Variants in MLXIP observed in about 807,000 individuals in gnomAD.
MLXIP encodes the protein MLX-interacting protein.
Under a neutral mutation model 87.2 loss-of-function variants are expected in MLXIP, and 30 were observed. The ratio of observed to expected loss-of-function variants is 0.34; its 90% CI spans 0.26 to 0.47. The LOEUF (loss-of-function observed/expected upper bound fraction) is 0.47, where lower values mean the gene tolerates loss of function less well. MLXIP is among the 20% of genes least tolerant of loss of function. MLXIP has a pLI of 1.00. For synonymous variants in MLXIP, 530 were observed against 514.0 expected (o/e 1.03, Z -0.42); for missense variants, 1,002 against 1,240.1 (o/e 0.81, Z 2.88).
chr12:122,110,584 G>T (rs895673419), intron 1 of MLXIP, among the ~76,000 whole-genome samples: 7 of 151,890 alleles, frequency 4.6e-5, no homozygotes, highest in Non-Finnish European at 8.8e-5. Flanking sequence ...ACTGCACCTG[G>T]CCTGGGAGAC....
intron 16 of MLXIP, 53 bp from the exon 17 acceptor site, chr12:122,141,638 G>A (rs530097205): frequency 1.5e-5 from 24 of 1,598,608 alleles, no homozygotes; most frequent in South Asian, 3.4e-5. Context: ...CCGAGTGTGC[G>A]GTGTGTGGTG....
chr12:122,123,636 C>T (rs748680723), intron 1 of MLXIP, among the ~76,000 whole-genome samples: 3 of 152,212 alleles, frequency 2.0e-5, no homozygotes, highest in Admixed American at 6.5e-5. Flanking sequence ...TGGTATGACA[C>T]CCTCTGCCCT....
At chr12:122,099,651 C>T (rs539275403) in intron 1 of MLXIP, among the ~76,000 whole-genome samples, 3 of 152,396 alleles carry the variant, frequency 2.0e-5, no homozygotes, top group Admixed American at 2.0e-4. Context: ...CTCTGCTGAA[C>T]TCCCTCAGGG....
chr12:122,084,627 A>C (rs980382766), intron 1 of MLXIP, among the ~76,000 whole-genome samples: 2 of 151,856 alleles, frequency 1.3e-5, no homozygotes, highest in African/African-American at 2.4e-5. Context: ...GCTCACTGCA[A>C]CCTCTGCCTC....
At chr12:122,107,489 A>C (rs1952539324) in intron 1 of MLXIP, among the ~76,000 whole-genome samples, 1 of 152,150 alleles carries the variant, frequency 6.6e-6, no homozygotes, top group South Asian at 2.1e-4. Context: ...CAGCACAGTG[A>C]GTCAGACAGC....
rs1953118233 is a variant in MLXIP at position 122,137,655 on chromosome 12, T to C, written c.2154+65T>C. 6.4e-7 allele frequency: 1 copy of C among 1,553,124 alleles called. No individual in the cohort carries two copies. The highest frequency in any genetic ancestry group is 8.7e-7 in the Non-Finnish European group (1 of 1,149,966). On this transcript the variant is annotated intron_variant, in intron 12 of 16. Coordinates refer to ENST00000319080, the MANE Select transcript of MLXIP (RefSeq NM_014938.6). The surrounding 1 kb of genome is among the most constrained non-coding windows in gnomAD (Gnocchi z 4.1). ...AGAGGAGTGCAGGACATCAAGGATC[T>C]GTGTCTTGTCTGGAACGGAGACCTC...
intron 1 of MLXIP, among the ~76,000 whole-genome samples, chr12:122,102,447 C>T (rs1952451906): frequency 6.6e-6 from 1 of 152,208 alleles, no homozygotes; most frequent in African/African-American, 2.4e-5. Context: ...TCCATTCCCT[C>T]TGTGTGCTGG....
At chr12:122,134,131 A>C in intron 9 of MLXIP, 144 bp downstream of exon 9, 1 of 987,578 alleles carries the variant, frequency 1.0e-6, no homozygotes, top group Non-Finnish European at 1.4e-6. Flanking sequence ...AAATGAAACA[A>C]AAGTGTCATG....
At chr12:122,123,638 C>T (rs944407904) in intron 1 of MLXIP, among the ~76,000 whole-genome samples, 2 of 152,244 alleles carry the variant, frequency 1.3e-5, no homozygotes, top group African/African-American at 2.4e-5. Flanking sequence ...GTATGACACC[C>T]TCTGCCCTCC....
At chr12:122,121,522 G>A (rs1172365115) in intron 1 of MLXIP, among the ~76,000 whole-genome samples, 2 of 151,844 alleles carry the variant, frequency 1.3e-5, no homozygotes, top group Admixed American at 6.6e-5. Context: ...TGCCCACCTC[G>A]GCCTCCCAAA....
chr12:122,110,022 C>T (rs192258184), intron 1 of MLXIP, among the ~76,000 whole-genome samples: 2 of 152,254 alleles, frequency 1.3e-5, no homozygotes. Flanking sequence ...GGGTGCCTCT[C>T]ATTTTTATTC....
At chr12:122,104,681 G>A (rs141713720) in intron 1 of MLXIP, among the ~76,000 whole-genome samples, 1,816 of 148,606 alleles carry the variant, frequency 0.012, 40 homozygotes, top group African/African-American at 0.043. Flanking sequence ...CCGGGTTCAA[G>A]CAATTCTCCT....
intron 8 of MLXIP, 121 bp downstream of exon 8, chr12:122,132,504 C>A: frequency 2.6e-6 from 2 of 761,458 alleles, no homozygotes; most frequent in South Asian, 1.6e-5. Context: ...AAGCGCCAAG[C>A]AGTGCTAGAC....
chr12:122,130,036 G>A lies in MLXIP; in HGVS notation c.834G>A (p.Met278Ile), dbSNP rs761131463. 1.9e-6 allele frequency: 3 copies of A among 1,614,000 alleles called. No homozygotes were observed. The highest frequency in any genetic ancestry group is 2.5e-6 in the Non-Finnish European group (3 of 1,179,886). ...EDPLLDTDML[M>I]SEFSDTLFST... ...CCCTGCTGGACACAGACATGCTCAT[G>A]TCGGAATTCAGCGACACCCTCTTCT... The change falls in exon 6 of 17, where the codon ATG (methionine) becomes ATA (isoleucine). Residue 278 changes from methionine to isoleucine, a missense_variant. Coordinates refer to ENST00000319080, the MANE Select transcript of MLXIP (RefSeq NM_014938.6).
intron 1 of MLXIP, among the ~76,000 whole-genome samples, chr12:122,097,636 T>C (rs1222973021): frequency 2.6e-5 from 4 of 150,998 alleles, no homozygotes; most frequent in Non-Finnish European, 5.9e-5. Context: ...AAGTAATTAA[T>C]TAATTAAAAT....
intron 3 of MLXIP, 85 bp from the exon 4 acceptor site, chr12:122,129,052 A>G (rs10847853): frequency 0.69 from 768,087 of 1,121,212 alleles, 264,253 homozygotes; most frequent in East Asian, 0.8. Flanking sequence ...AGGCCTGATT[A>G]TAGTGCCGGA....
intron 1 of MLXIP, among the ~76,000 whole-genome samples, chr12:122,124,076 C>T (rs927863880): frequency 4.6e-5 from 7 of 152,152 alleles, no homozygotes; most frequent in Non-Finnish European, 7.4e-5. Flanking sequence ...ATCTGCCCTT[C>T]AGGACGCTGA....
rs1953114307 is a variant in MLXIP at position 122,137,489 on chromosome 12, G to A, written c.2053G>A (p.Gly685Arg). 6.2e-7 allele frequency: 1 copy of A among 1,613,956 alleles called. No individual in the cohort carries two copies. Residue 685 changes from glycine (G) to arginine (R), a missense_variant, in exon 12 of 17, where the codon GGG (glycine) becomes AGG (arginine). Transcript: ENST00000319080. This position sits in a 1 kb window ranked among gnomAD's most constrained non-coding sequence, Gnocchi z 4.1. Reference protein sequence around the residue: ...TGPSRDCPNSGQASPCASEQS... With the variant: ...TGPSRDCPNSRQASPCASEQS... ...ACCAGGTCGGGACTGCCCAAACTCA[G>A]GGCAGGCCTCTCCGTGTGCATCGGA...
At chr12:122,091,758 A>G (rs1952248440) in intron 1 of MLXIP, among the ~76,000 whole-genome samples, 1 of 152,202 alleles carries the variant, frequency 6.6e-6, no homozygotes. Flanking sequence ...TCTCAATGAC[A>G]GGCGGTAGGG....
Sources: gnomAD v4.1 joint callset for allele counts (sites outside exome capture counted in the v4.1 genomes callset) on GRCh38, gnomAD v4.1.1 for gene constraint, Gnocchi (gnomAD v3.1) non-coding constraint, MANE v1.5 for transcripts, NCBI Gene and HGNC (gene_info 2026-07-23, HGNC 2026-07-21) for gene names.